The following ATL2 variants were observed in gnomAD, a reference collection of about 807,000 sequenced individuals.
The protein encoded by ATL2 is atlastin-2.
In ATL2, 31 loss-of-function variants were observed where a neutral mutation model predicts 73.9. The observed-to-expected ratio is 0.42, with a 90% CI of 0.32 to 0.57. The LOEUF (loss-of-function observed/expected upper bound fraction) is 0.57. Among genes scored for constraint, ATL2 ranks in the 20% least tolerant of loss-of-function variants. ATL2 has a pLI of 0.14. For missense variants in ATL2, 738 were observed against 702.6 expected (o/e 1.05, Z -0.57); for synonymous variants, 291 against 237.5 (o/e 1.23, Z -2.07).
intron 2 of ATL2, among the ~76,000 whole-genome samples, chr2:38,328,769 C>A (rs907712263): frequency 6.6e-6 from 1 of 151,832 alleles, no homozygotes; most frequent in African/African-American, 2.4e-5. Context: ...TCTCAGGTAA[C>A]TGGAAAAGAA....
chr2:38,365,166 A>AAAT (rs1671245644), intron 1 of ATL2, among the ~76,000 whole-genome samples: 3 of 123,716 alleles, frequency 2.4e-5, no homozygotes, highest in African/African-American at 1.3e-4. Context: ...CACACACACA[A>AAAT]ATACACACAC....
chr2:38,324,136 A>C (rs957820994), intron 2 of ATL2, among the ~76,000 whole-genome samples: 5 of 152,126 alleles, frequency 3.3e-5, no homozygotes, highest in African/African-American at 4.8e-5. Context: ...AAATTAGCCA[A>C]GCATGGTGGT....
Position 38,294,047 on chromosome 2 carries a change from C to G in ATL2, c.*1947G>C, listed in dbSNP as rs1020472145. Reference sequence around the variant, plus strand: ...TTCATAAAAAACAGTCCACAGCATTCATAAAACAGGGTGGCAGAAGAAATA... The same window carrying G: ...TTCATAAAAAACAGTCCACAGCATTGATAAAACAGGGTGGCAGAAGAAATA... On this transcript the variant is annotated 3_prime_UTR_variant, in exon 13 of 13. Coordinates refer to ENST00000378954, the MANE Select transcript of ATL2 (RefSeq NM_001135673.4). 6.6e-6 allele frequency among the ~76,000 whole-genome samples: 1 copy of G among 152,162 alleles called. No individual in the cohort carries two copies. Among genetic ancestry groups the G allele is most frequent in the Non-Finnish European group, 1.5e-5 (1 of 68,026 alleles).
chr2:38,340,194 T>C (rs1669633017), intron 2 of ATL2, among the ~76,000 whole-genome samples: 1 of 89,218 alleles, frequency 1.1e-5, no homozygotes, highest in African/African-American at 4.0e-5. Context: ...GGGGTAGACA[T>C]TAACTGAGAA....
rs138339904 is a variant in ATL2 at position 38,365,652 on chromosome 2, G to A, written c.118+11491C>T. Reference sequence around the variant, plus strand: ...AAAAATACAAAAAAATTAGCCAGGCGTGAGGGCGGGTACCTGTAGTCCCTT... The same window carrying A: ...AAAAATACAAAAAAATTAGCCAGGCATGAGGGCGGGTACCTGTAGTCCCTT... On this transcript the variant is annotated intron_variant, in intron 1 of 12. Coordinates refer to ENST00000378954, the MANE Select transcript of ATL2 (RefSeq NM_001135673.4). 5.5e-3 allele frequency among the ~76,000 whole-genome samples: 809 copies of A among 148,090 alleles called. 11 individuals are homozygous for A. Among genetic ancestry groups the A allele is most frequent in the Non-Finnish European group, 5.4e-3 (367 of 67,994 alleles).
chr2:38,362,069 G>A (rs1414027773), intron 1 of ATL2, among the ~76,000 whole-genome samples: 1 of 152,120 alleles, frequency 6.6e-6, no homozygotes, highest in Admixed American at 6.5e-5. Context: ...ACATAATGAT[G>A]CTTATCATTT....
At chr2:38,348,534 A>G (rs1670156187) in intron 1 of ATL2, among the ~76,000 whole-genome samples, 1 of 152,258 alleles carries the variant, frequency 6.6e-6, no homozygotes, top group South Asian at 2.1e-4. Context: ...AACTGCTAAA[A>G]TATCACAATG....
intron 1 of ATL2, among the ~76,000 whole-genome samples, chr2:38,370,183 A>C (rs912425642): frequency 6.7e-5 from 10 of 149,130 alleles, no homozygotes; most frequent in Non-Finnish European, 1.0e-4. Flanking sequence ...AAAGAAAATC[A>C]AGACCGGGCG....
intron 2 of ATL2, among the ~76,000 whole-genome samples, chr2:38,335,953 G>A (rs2148471629): frequency 6.6e-6 from 1 of 152,244 alleles, no homozygotes; most frequent in Admixed American, 6.5e-5. Context: ...TGTGAACGTG[G>A]GAGGCGGAGC....
At chr2:38,297,868 A>G (rs780547175) in intron 12 of ATL2, 4 of 263,274 alleles carry the variant, frequency 1.5e-5, no homozygotes, top group African/African-American at 2.2e-5. Flanking sequence ...AAAAATCATT[A>G]CAGACTCTGA....
chr2:38,325,287 T>C (rs1223932304), intron 2 of ATL2, among the ~76,000 whole-genome samples: 1 of 152,024 alleles, frequency 6.6e-6, no homozygotes, highest in Non-Finnish European at 1.5e-5. Flanking sequence ...AGATCACAGG[T>C]CAAACCATCC....
chr2:38,377,143 C>T lies in ATL2; in HGVS notation c.118G>A (p.Gly40Ser), dbSNP rs780954466. 12 of 1,610,352 alleles carry T rather than the reference C, an allele frequency of 7.5e-6. No homozygotes were observed. Among genetic ancestry groups the T allele is most frequent in the Non-Finnish European group, 1.0e-5 (12 of 1,179,284 alleles). ...CGGCCTCTGCCTCGCTGGCCCGTAC[C>T]TAGGGAGGTCGTGGACGAGACGTGG... ...VNHVSSTTSL[G>S]ENYEDDDLVN... is the part of the protein sequence containing the mutation. The change falls in exon 1 of 13, where the codon GGT (glycine) becomes AGT (serine). Residue 40 changes from glycine to serine, a missense_variant and splice_region_variant. Gly to Ser is a moderately conservative substitution (Grantham distance 56). Transcript: ENST00000378954.
At chr2:38,357,935 G>T (rs1433149415) in intron 1 of ATL2, among the ~76,000 whole-genome samples, 10 of 152,092 alleles carry the variant, frequency 6.6e-5, no homozygotes, top group African/African-American at 2.4e-4. Context: ...ACCACTGTTT[G>T]GGGGGAAATC....
At chr2:38,376,333 A>G in intron 1 of ATL2, 1 of 1,101,080 alleles carries the variant, frequency 9.1e-7, no homozygotes, top group South Asian at 2.5e-5. Context: ...CTCCTGGTAC[A>G]CGTACAGTAG....
At chr2:38,331,028 C>G (rs753549984) in intron 2 of ATL2, among the ~76,000 whole-genome samples, 1 of 152,124 alleles carries the variant, frequency 6.6e-6, no homozygotes, top group Non-Finnish European at 1.5e-5. Flanking sequence ...CATGGCCGGG[C>G]GTGGTGGCTC....
intron 1 of ATL2, among the ~76,000 whole-genome samples, chr2:38,370,480 A>AAAAAAAAAC: frequency 7.9e-6 from 1 of 125,932 alleles, no homozygotes; most frequent in Non-Finnish European, 1.7e-5. Flanking sequence ...AAAAAAAAAA[A>AAAAAAAAAC]AATCAACCCA....
At chr2:38,300,722 C>T (rs1379945286) in intron 9 of ATL2, among the ~76,000 whole-genome samples, 1 of 152,002 alleles carries the variant, frequency 6.6e-6, no homozygotes. Flanking sequence ...ATGATCACAG[C>T]TTACTGCAAC....
At chr2:38,338,454 T>C (rs894110669) in intron 2 of ATL2, among the ~76,000 whole-genome samples, 3 of 152,090 alleles carry the variant, frequency 2.0e-5, no homozygotes, top group Non-Finnish European at 4.4e-5. Flanking sequence ...GATTCTAAAA[T>C]AAAAGTTAAA....
intron 2 of ATL2, among the ~76,000 whole-genome samples, chr2:38,319,574 G>C (rs1037283698): frequency 6.7e-6 from 1 of 150,294 alleles, no homozygotes; most frequent in Non-Finnish European, 1.5e-5. Flanking sequence ...ACTCCAGCCT[G>C]GGTGACAGAG....
Sources: allele counts gnomAD v4.1 joint callset (sites outside exome capture counted in the v4.1 genomes callset), GRCh38; gene constraint gnomAD v4.1.1; transcripts MANE v1.5; gene names NCBI Gene and HGNC (gene_info 2026-07-23, HGNC 2026-07-21).